DNAH5: variants seen among roughly 807,000 people sequenced by gnomAD.
DNAH5 encodes the protein dynein axonemal heavy chain 5.
Under a neutral mutation model 518.2 loss-of-function variants are expected in DNAH5, and 372 were observed. The ratio of observed to expected loss-of-function variants is 0.72; its 90% CI spans 0.66 to 0.78. DNAH5 has a LOEUF of 0.78. Ranked by LOEUF, DNAH5 falls within the 30% of genes least tolerant of loss-of-function variation. The pLI, the probability that DNAH5 is intolerant of heterozygous loss-of-function variation, is 0.00. For synonymous variants in DNAH5, 2,039 were observed against 2,025.9 expected (o/e 1.01, Z -0.17); for missense variants, 5,523 against 5,687.0 (o/e 0.97, Z 0.93).
At chr5:13,986,661 G>A (rs1783073338) in intron 1 of DNAH5, among the ~76,000 whole-genome samples, 1 of 152,174 alleles carries the variant, frequency 6.6e-6, no homozygotes. Context: ...GCACCTTCCT[G>A]AGACCTGGCA....
At chr5:13,844,222 G>T (rs1338461932) in intron 32 of DNAH5, among the ~76,000 whole-genome samples, 1 of 152,230 alleles carries the variant, frequency 6.6e-6, no homozygotes, top group African/African-American at 2.4e-5. Flanking sequence ...ATGCTAGGAT[G>T]AAGAAATGGA....
chr5:13,984,349 G>C (rs1298453566), intron 1 of DNAH5, among the ~76,000 whole-genome samples: 1 of 152,160 alleles, frequency 6.6e-6, no homozygotes, highest in Non-Finnish European at 1.5e-5. Flanking sequence ...TGGTGTATAA[G>C]AACGCTTGTG....
In DNAH5 at chr5:13,753,306, T is replaced by C; in HGVS notation, c.10799A>G (p.Tyr3600Cys). The C allele has an allele frequency of 1.2e-6, 2 of 1,614,000 alleles. No homozygotes were observed. Among genetic ancestry groups the C allele is most frequent in the South Asian group, 1.1e-5 (1 of 91,072 alleles). ...AGTCTGTGGATCAATTAACAAAGGG[T>C]AACGAGATGCCTTCGTGACAATAAT... ...NGIIVTKASRYPLLIDPQTQG... is the reference protein window; with the variant it reads ...NGIIVTKASRCPLLIDPQTQG... Residue 3600 changes from tyrosine (Y) to cysteine (C), a missense_variant, in exon 63 of 79, where the codon TAC becomes TGC. By Grantham distance (194) the Tyr-to-Cys change is radical. Transcript: ENST00000265104.
Position 13,879,568 on chromosome 5 carries a change from G to A in DNAH5, c.3263-2751C>T, listed in dbSNP as rs193193641. Among the ~76,000 whole-genome samples the A allele has an allele frequency of 3.1e-4, 47 of 152,084 alleles. No homozygotes were observed. The East Asian group carries it at 7.9e-3, about 26-fold the overall frequency. On this transcript the variant is annotated intron_variant, in intron 21 of 78. Coordinates refer to ENST00000265104, the MANE Select transcript of DNAH5 (RefSeq NM_001369.3). ...AAAGATCCTCACCAATATCAAGAGA[G>A]AAATGCAAAAACAAACTGAGAACTT...
chr5:13,833,371 A>C (rs1303056418), intron 35 of DNAH5, among the ~76,000 whole-genome samples: 1 of 150,276 alleles, frequency 6.7e-6, no homozygotes, highest in Non-Finnish European at 1.5e-5. Flanking sequence ...CCTGGGAGGC[A>C]GAGGTTGCAG....
intron 65 of DNAH5, among the ~76,000 whole-genome samples, chr5:13,747,191 A>G (rs1215085517): frequency 6.6e-6 from 1 of 152,118 alleles, no homozygotes; most frequent in Non-Finnish European, 1.5e-5. Context: ...TTCCAGCTTC[A>G]TCCATGTCCC....
At chr5:13,895,808 C>G (rs1773852521) in intron 15 of DNAH5, among the ~76,000 whole-genome samples, 1 of 152,096 alleles carries the variant, frequency 6.6e-6, no homozygotes, top group Admixed American at 6.5e-5. Flanking sequence ...TAATAAGTCC[C>G]AAACTGAAAG....
intron 2 of DNAH5, among the ~76,000 whole-genome samples, chr5:13,930,129 G>A (rs1047502024): frequency 3.3e-5 from 5 of 152,176 alleles, no homozygotes; most frequent in Middle Eastern, 3.4e-3. Flanking sequence ...ACCCATTTTC[G>A]TGTTATCCAT....
chr5:13,970,684 G>T (rs1781804949), intron 1 of DNAH5, among the ~76,000 whole-genome samples: 1 of 152,136 alleles, frequency 6.6e-6, no homozygotes, highest in African/African-American at 2.4e-5. Context: ...TCCTTTATAG[G>T]TTACCTGATG....
At chr5:13,751,001 C>T (rs1015248613) in intron 65 of DNAH5, 77 bp downstream of exon 65, 1 of 1,475,784 alleles carries the variant, frequency 6.8e-7, no homozygotes, top group African/African-American at 1.4e-5. Context: ...CCTATTACAA[C>T]TGTTATTATC....
Position 13,814,592 on chromosome 5 carries a change from G to C in DNAH5, c.7230+13C>G. Reference sequence around the variant, plus strand: ...TTCCTTTTTAATTATACAAAAGAAGGATTCAATTATACCTCAAGAATAGGA... The same window carrying C: ...TTCCTTTTTAATTATACAAAAGAAGCATTCAATTATACCTCAAGAATAGGA... On this transcript the variant is annotated intron_variant, in intron 43 of 78. Transcript: ENST00000265104. 6.2e-7 allele frequency: 1 copy of C among 1,612,906 alleles called. No homozygotes were observed. Among genetic ancestry groups the C allele is most frequent in the South Asian group, 1.1e-5 (1 of 91,002 alleles).
chr5:13,914,489 T>C (rs775261780), intron 10 of DNAH5, 31 bp downstream of exon 10: 101 of 1,607,564 alleles, frequency 6.3e-5, no homozygotes, highest in East Asian at 4.5e-4. Flanking sequence ...ATAAAAAGAA[T>C]AGAACATCTA....
rs1484761502 is a variant in DNAH5, at chr5:13,769,746, A to G, written c.9606-131T>C. The G allele has an allele frequency of 5.2e-6, 4 of 774,842 alleles. No homozygotes were observed. In the African/African-American group the frequency reaches 6.8e-5, roughly 13 times the overall value. 48.0% of individuals were successfully genotyped at this position (774,842 alleles called of 1,614,324 possible). ...CATGTATGCAAGTAGCAAACCCAAG[A>G]GGGCTTAGCAAAAAGGATACAGATC... On this transcript the variant is annotated intron_variant, in intron 56 of 78. Transcript: ENST00000265104.
chr5:13,932,973 CTTG>C (rs1245064441), intron 1 of DNAH5, among the ~76,000 whole-genome samples: 1 of 152,148 alleles, frequency 6.6e-6, no homozygotes, highest in Admixed American at 6.5e-5. Flanking sequence ...ACAGACCATT[CTTG>C]TTGTGAGGAG....
intron 31 of DNAH5, among the ~76,000 whole-genome samples, chr5:13,845,873 A>C (rs73055831): frequency 0.41 from 56,739 of 139,306 alleles, 12,099 homozygotes; most frequent in East Asian, 0.61. Flanking sequence ...GTCTATCACC[A>C]GGGCTGGAGT....
chr5:13,696,576 G>A (rs958443000), intron 78 of DNAH5, among the ~76,000 whole-genome samples: 6 of 152,024 alleles, frequency 3.9e-5, no homozygotes, highest in Admixed American at 2.0e-4. Flanking sequence ...TCATATTAAT[G>A]TAAAAACTGT....
chr5:13,793,599 T>C lies in DNAH5; in HGVS notation c.8140A>G (p.Asn2714Asp). 6.2e-7 allele frequency: 1 copy of C among 1,614,156 alleles called. No individual in the cohort carries two copies. The highest frequency in any genetic ancestry group is 8.5e-7 in the Non-Finnish European group (1 of 1,180,032). The change falls in exon 49 of 79, where the codon AAT becomes GAT. Residue 2714 changes from asparagine (N) to aspartate (D), a missense_variant. Around this residue, in one of 3 missense-constraint regions of DNAH5, gnomAD observed 5,121 missense variants for 5,223.3 expected, o/e 0.98. Transcript: ENST00000265104. ...AAMIHPGGGR[N>D]DIPQRLKRQF... ...CTCTTGAGTCTTTGGGGTATGTCATTGCGTCCACCACCAGGATGGATCATG... is the reference window on the plus strand; with the variant it reads ...CTCTTGAGTCTTTGGGGTATGTCATCGCGTCCACCACCAGGATGGATCATG...
At chr5:13,998,173 T>C (rs1784092676) in intron 1 of DNAH5, among the ~76,000 whole-genome samples, 1 of 152,140 alleles carries the variant, frequency 6.6e-6, no homozygotes, top group African/African-American at 2.4e-5. Flanking sequence ...GGCTGTAAAG[T>C]CCAAGATCAA....
chr5:13,916,605 T>C, intron 8 of DNAH5, 150 bp from the exon 9 acceptor site: 1 of 414,022 alleles, frequency 2.4e-6, no homozygotes, highest in Non-Finnish European at 4.3e-6. Context: ...GAAAATAATA[T>C]ATTTAATATT....
Sources: allele counts gnomAD v4.1 joint callset (sites outside exome capture counted in the v4.1 genomes callset), GRCh38; gene constraint gnomAD v4.1.1; regional missense constraint gnomAD v4.1.1; transcripts MANE v1.5; gene names NCBI Gene and HGNC (gene_info 2026-07-23, HGNC 2026-07-21).